LIPA: variants seen among roughly 807,000 people sequenced by gnomAD.
LIPA encodes lipase A, lysosomal acid type, also known as lysosomal acid lipase/cholesteryl ester hydrolase.
Under a neutral mutation model 40.6 loss-of-function variants are expected in LIPA, and 26 were observed. That is an observed-to-expected ratio of 0.64 (90% CI 0.47 to 0.89). The LOEUF (loss-of-function observed/expected upper bound fraction) is 0.89, where lower values mean the gene tolerates loss of function less well. Ranked by LOEUF, LIPA falls within the 40% of genes least tolerant of loss-of-function variation. The pLI is 0.00. For synonymous variants in LIPA, 188 were observed against 168.4 expected, an observed-to-expected ratio of 1.12 and a Z score of -0.90; for missense variants, 455 against 479.6, an observed-to-expected ratio of 0.95 and a Z score of 0.48.
chr10:89,362,456 A>G (rs1203367671), intron 2 of LIPA: 2 of 176,988 alleles, frequency 1.1e-5, no homozygotes, highest in Admixed American at 6.1e-5. Flanking sequence ...AATGCACAAC[A>G]TACTAGCTTA....
chr10:89,234,843 C>G (rs540089517), intron 3 of LIPA, among the ~76,000 whole-genome samples: 1 of 152,252 alleles, frequency 6.6e-6, no homozygotes, highest in Non-Finnish European at 1.5e-5. Flanking sequence ...CGCTTGTATG[C>G]TGTAGGTACT....
At chr10:89,234,139 A>G (rs974341767) in intron 3 of LIPA, among the ~76,000 whole-genome samples, 4 of 152,262 alleles carry the variant, frequency 2.6e-5, no homozygotes, top group Non-Finnish European at 4.4e-5. Flanking sequence ...GTTTCCACAA[A>G]GGGTTCTGGA....
intron 1 of LIPA, among the ~76,000 whole-genome samples, chr10:89,311,825 T>C (rs1189405056): frequency 2.6e-5 from 4 of 152,224 alleles, no homozygotes; most frequent in Non-Finnish European, 4.4e-5. Flanking sequence ...TACTGAATGT[T>C]ACCAGTCTTT....
chr10:89,259,874 G>C (rs996636319), intron 1 of LIPA, among the ~76,000 whole-genome samples: 1 of 152,110 alleles, frequency 6.6e-6, no homozygotes, highest in African/African-American at 2.4e-5. Flanking sequence ...TCCTGGAGAG[G>C]GGACATTTTT....
At chr10:89,254,023 C>T (rs527637180), upstream of LIPA, among the ~76,000 whole-genome samples, 89 of 152,360 alleles carry the variant, frequency 5.8e-4, no homozygotes, top group African/African-American at 1.9e-3. Context: ...GCTCCTTTCA[C>T]AGGCTGGTGT....
At position 89,234,006 on chromosome 10, in the gene LIPA, A is replaced by C. The variant is rs1272696172; in HGVS notation, c.230-5608T>G. 2.0e-5 allele frequency among the ~76,000 whole-genome samples: 3 copies of C among 152,352 alleles called. No individual in the cohort carries two copies. In the East Asian group the frequency reaches 5.8e-4, roughly 29 times the overall value. On this transcript the variant is annotated intron_variant, in intron 3 of 9. Transcript: ENST00000336233. The stretch of plus-strand genomic sequence containing the variant: ...CTCCATCCTCGAGGGAGTCAGACAC[A>C]CGATGACTGTCTAACCCAGCAAGAA...
chr10:89,392,687 G>A, intron 2 of LIPA: 1 of 1,613,938 alleles, frequency 6.2e-7, no homozygotes, highest in South Asian at 1.1e-5. Flanking sequence ...AAACCCTGCA[G>A]AACGGCTGCC....
chr10:89,224,979 C>T (rs1842747870), intron 6 of LIPA, 113 bp downstream of exon 6: 1 of 1,341,000 alleles, frequency 7.5e-7, no homozygotes, highest in Non-Finnish European at 1.1e-6. Flanking sequence ...CACTGCTCCA[C>T]TGATATCAAA....
At chr10:89,359,575 T>C (rs34234196) in intron 2 of LIPA, among the ~76,000 whole-genome samples, 34,961 of 152,098 alleles carry the variant, frequency 0.23, 4,200 homozygotes, top group African/African-American at 0.25. Context: ...CCCTCTGACC[T>C]GAAGGGCCTC....
intron 1 of LIPA, among the ~76,000 whole-genome samples, chr10:89,262,430 T>C (rs1843215529): frequency 6.6e-6 from 1 of 152,244 alleles, no homozygotes; most frequent in East Asian, 1.9e-4. Flanking sequence ...TTTGTCTCTC[T>C]GTACCTACAG....
chr10:89,232,201 G>A (rs538712420), intron 3 of LIPA, among the ~76,000 whole-genome samples: 3 of 152,172 alleles, frequency 2.0e-5, no homozygotes, highest in South Asian at 2.1e-4. Flanking sequence ...GTGACCGGGC[G>A]CTGTACGATG....
At chr10:89,215,716 T>C (rs1314076909) in intron 9 of LIPA, among the ~76,000 whole-genome samples, 2 of 152,204 alleles carry the variant, frequency 1.3e-5, no homozygotes, top group East Asian at 1.9e-4. Context: ...ACAGTGATGA[T>C]TCTTATTTAG....
At chr10:89,337,599 C>T (rs1564791396) in intron 1 of LIPA, among the ~76,000 whole-genome samples, 1 of 152,100 alleles carries the variant, frequency 6.6e-6, no homozygotes, top group Non-Finnish European at 1.5e-5. Context: ...AGGCTTTCGC[C>T]ATGTTGCCCA....
chr10:89,384,893 C>A (rs1028682113), intron 2 of LIPA: 2 of 612,124 alleles, frequency 3.3e-6, no homozygotes, highest in Non-Finnish European at 5.5e-6. Context: ...CATGCAACTG[C>A]AACTTCTGCT....
intron 1 of LIPA, among the ~76,000 whole-genome samples, chr10:89,292,838 A>G (rs1589591204): frequency 6.6e-6 from 1 of 151,430 alleles, no homozygotes; most frequent in Admixed American, 6.6e-5. Context: ...TTGTAGAGAT[A>G]GGGTCTTGCT....
exon 2 of LIPA, chr10:89,412,807 C>T (rs1406380414): frequency 7.2e-6 from 3 of 415,648 alleles, no homozygotes; most frequent in South Asian, 5.1e-5. Flanking sequence ...GAAGAAACTC[C>T]AGACACATCT....
rs143409397 is a variant in LIPA at position 89,312,559 on chromosome 10, T to C, written c.-2+30052A>G. Among the ~76,000 whole-genome samples the C allele has an allele frequency of 1.7e-3, 264 of 152,132 alleles. 3 individuals carry two copies. The highest frequency in any genetic ancestry group is 5.9e-3 in the African/African-American group (243 of 41,520). On this transcript the variant is annotated intron_variant, in intron 1 of 5. Coordinates refer to the LIPA transcript ENST00000282673. ...ATTTCAAGTCAATATCCATTACCAATAGAATCCAGTTGACTGAGGCGGGCG... is the reference window on the plus strand; with the variant it reads ...ATTTCAAGTCAATATCCATTACCAACAGAATCCAGTTGACTGAGGCGGGCG...
chr10:89,413,949 T>G (rs1841503572), intron 1 of LIPA, among the ~76,000 whole-genome samples: 1 of 152,158 alleles, frequency 6.6e-6, no homozygotes, highest in African/African-American at 2.4e-5. Flanking sequence ...GCTGAATGAA[T>G]TCAAAGGGGA....
At chr10:89,404,504 T>G (rs985845852) in intron 2 of LIPA, 1 of 152,280 alleles carries the variant, frequency 6.6e-6, no homozygotes, top group African/African-American at 2.4e-5. Flanking sequence ...TACATACCAC[T>G]ATTGTGTGAC....
Sources: gnomAD v4.1 joint callset for allele counts (sites outside exome capture counted in the v4.1 genomes callset) on GRCh38, gnomAD v4.1.1 for gene constraint, MANE v1.5 for transcripts, NCBI Gene and HGNC (gene_info 2026-07-23, HGNC 2026-07-21) for gene names.